MACROD2: variants seen among roughly 807,000 people sequenced by gnomAD.
MACROD2 encodes the protein ADP-ribose glycohydrolase MACROD2.
MACROD2 carries 36 observed loss-of-function variants against 70.4 expected under a neutral mutation model. The observed-to-expected ratio is 0.51, with a 90% CI of 0.39 to 0.68. MACROD2 has a LOEUF of 0.68. Ranked by LOEUF, MACROD2 falls within the 30% of genes least tolerant of loss-of-function variation. The pLI is 0.00. For synonymous variants in MACROD2, 172 were observed against 178.8 expected (o/e 0.96, Z 0.30); for missense variants, 496 against 538.4 (o/e 0.92, Z 0.78).
At chr20:15,892,703 A>G (rs959671852) in intron 10 of MACROD2, among the ~76,000 whole-genome samples, 1 of 152,258 alleles carries the variant, frequency 6.6e-6, no homozygotes, top group Non-Finnish European at 1.5e-5. Flanking sequence ...CACTAATGTT[A>G]TCTACAAAAA....
At chr20:15,322,113 A>C (rs933266209) in intron 6 of MACROD2, among the ~76,000 whole-genome samples, 1 of 143,994 alleles carries the variant, frequency 6.9e-6, no homozygotes, top group Non-Finnish European at 1.6e-5. Flanking sequence ...CTTTAAACTT[A>C]AGGGGTTGAA....
At position 15,669,511 on chromosome 20, in the gene MACROD2, C is replaced by A. The variant is rs1046328037; in HGVS notation, c.645+169664C>A. Among the ~76,000 whole-genome samples the A allele has an allele frequency of 8.5e-5, 13 of 152,284 alleles. 1 individual carries two copies. The highest frequency in any genetic ancestry group is 2.6e-4 in the Admixed American group (4 of 15,292). ...AAATGTAGTAACCACATCACTCCCC[C>A]CAACTCCTGCTCCCTGATTTTTCAT... On this transcript the variant is annotated intron_variant, in intron 8 of 17. Transcript: ENST00000684519.
chr20:15,685,066 C>T (rs2050209053), intron 8 of MACROD2, among the ~76,000 whole-genome samples: 1 of 152,040 alleles, frequency 6.6e-6, no homozygotes, highest in Admixed American at 6.5e-5. Flanking sequence ...TTATTATTCT[C>T]ACTGGTGGTA....
At chr20:14,357,224 G>C (rs1338495622) in intron 3 of MACROD2, among the ~76,000 whole-genome samples, 1 of 152,164 alleles carries the variant, frequency 6.6e-6, no homozygotes, top group East Asian at 1.9e-4. Flanking sequence ...GCAGTCTACT[G>C]ACCTTTTAGA....
chr20:14,945,642 A>G (rs2074425629), intron 5 of MACROD2, among the ~76,000 whole-genome samples: 1 of 152,136 alleles, frequency 6.6e-6, no homozygotes, highest in Non-Finnish European at 1.5e-5. Flanking sequence ...TCCTGGGTAT[A>G]TGGAGATGTG....
At chr20:15,816,220 G>A (rs566322925) in intron 8 of MACROD2, among the ~76,000 whole-genome samples, 1 of 152,204 alleles carries the variant, frequency 6.6e-6, no homozygotes, top group African/African-American at 2.4e-5. Context: ...TTGATATATT[G>A]CAAATTATCT....
chr20:15,824,892 T>C (rs2063980080), intron 8 of MACROD2, among the ~76,000 whole-genome samples: 1 of 150,622 alleles, frequency 6.6e-6, no homozygotes, highest in African/African-American at 2.5e-5. Flanking sequence ...AAGGAATATG[T>C]TCTTAAGATA....
chr20:14,515,465 G>GCGCACACACACACA (rs1369248292), intron 4 of MACROD2, among the ~76,000 whole-genome samples: 11,768 of 126,958 alleles, frequency 0.093, 688 homozygotes, highest in Non-Finnish European at 0.14. Context: ...ACACACACAC[G>GCGCACACACACACA]CACACACACA....
intron 9 of MACROD2, among the ~76,000 whole-genome samples, chr20:15,879,584 A>G (rs2064724144): frequency 6.6e-6 from 1 of 152,148 alleles, no homozygotes; most frequent in African/African-American, 2.4e-5. Flanking sequence ...GTTATCTTTC[A>G]AAAGATGGTA....
intron 8 of MACROD2, among the ~76,000 whole-genome samples, chr20:15,632,301 G>A (rs2049303110): frequency 6.6e-6 from 1 of 152,130 alleles, no homozygotes; most frequent in Non-Finnish European, 1.5e-5. Flanking sequence ...TCAGTTTATT[G>A]TAAACATTTA....
chr20:14,054,856 G>A (rs1341709692), intron 2 of MACROD2, among the ~76,000 whole-genome samples: 1 of 152,084 alleles, frequency 6.6e-6, no homozygotes, highest in African/African-American at 2.4e-5. Flanking sequence ...TTTTATTTTA[G>A]AAGAATTATT....
rs184618789 is a variant in MACROD2 at position 14,713,140 on chromosome 20, C to T, written c.418+28181C>T. On this transcript the variant is annotated intron_variant, in intron 5 of 17. Coordinates refer to ENST00000684519, the MANE Select transcript of MACROD2 (RefSeq NM_001351661.2). Reference sequence around the variant, plus strand: ...GTGTGTGTGAATGAGTGTGAAAATGCGTGCATGGGTACATGTGCCTTAGAG... The same window carrying T: ...GTGTGTGTGAATGAGTGTGAAAATGTGTGCATGGGTACATGTGCCTTAGAG... Among the ~76,000 whole-genome samples the T allele has an allele frequency of 2.6e-4, 40 of 152,056 alleles. No individual in the cohort carries two copies. In the East Asian group the frequency reaches 5.4e-3, roughly 21 times the overall value.
At chr20:15,370,516 T>G (rs2045477104) in intron 6 of MACROD2, among the ~76,000 whole-genome samples, 1 of 152,098 alleles carries the variant, frequency 6.6e-6, no homozygotes, top group Admixed American at 6.6e-5. Flanking sequence ...ATCATTTTAT[T>G]GACCAATGTT....
Position 14,257,978 on chromosome 20 carries a change from A to G in MACROD2, c.271+172250A>G, listed in dbSNP as rs539385505. On this transcript the variant is annotated intron_variant, in intron 3 of 17. Coordinates refer to ENST00000684519, the MANE Select transcript of MACROD2 (RefSeq NM_001351661.2). The stretch of plus-strand genomic sequence containing the variant: ...TTGGCTCCCATTTAAAATTGAGAAC[A>G]TATAAGATTTGGTTTTCCATTTTTG... Among the ~76,000 whole-genome samples the G allele has an allele frequency of 4.6e-5, 7 of 152,296 alleles. No individual in the cohort carries two copies. In the South Asian group the frequency reaches 1.5e-3, roughly 32 times the overall value.
chr20:15,318,956 C>G (rs2146166884), intron 6 of MACROD2, among the ~76,000 whole-genome samples: 1 of 152,156 alleles, frequency 6.6e-6, no homozygotes, highest in South Asian at 2.1e-4. Context: ...CTAAAAGTTC[C>G]AGACAGAGGA....
At chr20:15,122,340 C>G (rs1416371102) in intron 5 of MACROD2, among the ~76,000 whole-genome samples, 2 of 152,128 alleles carry the variant, frequency 1.3e-5, no homozygotes, top group Non-Finnish European at 2.9e-5. Context: ...AGGGATGAGC[C>G]TGAGTGAACA....
At chr20:15,022,404 G>A (rs2075194952) in intron 5 of MACROD2, among the ~76,000 whole-genome samples, 1 of 152,080 alleles carries the variant, frequency 6.6e-6, no homozygotes, top group African/African-American at 2.4e-5. Context: ...ATTATTTGAT[G>A]TTTTTATTGG....
rs562944905 is a variant in MACROD2, at chr20:15,815,953, G to T, written c.646-46792G>T. 4.6e-5 allele frequency among the ~76,000 whole-genome samples: 7 copies of T among 152,138 alleles called. No homozygotes were observed. In the East Asian group the frequency reaches 1.4e-3, roughly 29 times the overall value. ...TGAATATCTGAGGAGTTATTAATGT[G>T]TCAAGCTGACATTATTTAATCATCA... On this transcript the variant is annotated intron_variant, in intron 8 of 17. Transcript: ENST00000684519.
At chr20:15,595,878 C>A (rs1486053056) in intron 8 of MACROD2, among the ~76,000 whole-genome samples, 2 of 152,106 alleles carry the variant, frequency 1.3e-5, no homozygotes, top group African/African-American at 4.8e-5. Flanking sequence ...TTGAGCTATG[C>A]CAACGTAATA....
Sources: allele counts gnomAD v4.1 joint callset (sites outside exome capture counted in the v4.1 genomes callset), GRCh38; gene constraint gnomAD v4.1.1; transcripts MANE v1.5; gene names NCBI Gene and HGNC (gene_info 2026-07-23, HGNC 2026-07-21).